Variants in MAP1B observed in about 807,000 individuals in gnomAD.
MAP1B encodes the protein microtubule-associated protein 1B.
Under a neutral mutation model 176.1 loss-of-function variants are expected in MAP1B, and 12 were observed. The observed-to-expected ratio is 0.07, with a 90% CI of 0.04 to 0.11. The LOEUF is 0.11. Among genes scored for constraint, MAP1B ranks in the 10% least tolerant of loss-of-function variants. The pLI is 1.00. For missense variants in MAP1B, 2,523 were observed against 2,990.5 expected, an observed-to-expected ratio of 0.84 and a Z score of 3.65; for synonymous variants, 1,044 against 1,135.0, an observed-to-expected ratio of 0.92 and a Z score of 1.61.
chr5:72,179,977 C>G (rs1262670239), intron 2 of MAP1B: 4 of 971,134 alleles, frequency 4.1e-6, no homozygotes, highest in Non-Finnish European at 3.7e-6. Context: ...AAGGAACTGC[C>G]GGTGGATGGT....
At chr5:72,162,765 G>A (rs1746350751) in intron 2 of MAP1B, among the ~76,000 whole-genome samples, 1 of 152,100 alleles carries the variant, frequency 6.6e-6, no homozygotes, top group Admixed American at 6.5e-5. Context: ...TCCACTTTGA[G>A]TCCTTTAAGT....
At chr5:72,179,405 C>A (rs1021268693) in intron 2 of MAP1B, among the ~76,000 whole-genome samples, 8 of 152,204 alleles carry the variant, frequency 5.3e-5, no homozygotes, top group African/African-American at 1.9e-4. Context: ...TTCCTGGGAA[C>A]TTCTTTTCTG....
At chr5:72,193,499 A>G (rs1489024481) in intron 4 of MAP1B, among the ~76,000 whole-genome samples, 2 of 152,152 alleles carry the variant, frequency 1.3e-5, no homozygotes, top group Non-Finnish European at 2.9e-5. Flanking sequence ...AAAGTGTTTC[A>G]TAACCACTGC....
At chr5:72,192,991 C>T (rs1036896555) in intron 4 of MAP1B, among the ~76,000 whole-genome samples, 2 of 152,236 alleles carry the variant, frequency 1.3e-5, no homozygotes, top group African/African-American at 4.8e-5. Flanking sequence ...TAGCTGCTCA[C>T]ACCCAACTTG....
rs368060624 is a variant in MAP1B, at chr5:72,199,937, G to A, written c.6582G>A (p.Thr2194=). The A allele has an allele frequency of 7.1e-5, 115 of 1,613,984 alleles. No individual in the cohort carries two copies. The highest frequency in any genetic ancestry group is 8.5e-5 in the Non-Finnish European group (100 of 1,180,044). ...CCATCCCCACAGACAAAACTGTCAC[G>A]TACAAACACATGGACCCACCTCCAG... The part of the protein sequence containing the change: ...SETIPTDKTV[T]YKHMDPPPAP... Residue 2194 remains threonine (T), a synonymous_variant, in exon 5 of 7, where the codon ACG becomes ACA. Coordinates refer to ENST00000296755, the MANE Select transcript of MAP1B (RefSeq NM_005909.5). This position sits in a 1 kb window ranked among gnomAD's most constrained non-coding sequence, Gnocchi z 4.2.
chr5:72,182,041 TTTTG>T (rs1746781603), intron 2 of MAP1B, among the ~76,000 whole-genome samples: 1 of 138,766 alleles, frequency 7.2e-6, no homozygotes, highest in South Asian at 2.6e-4. Flanking sequence ...TTTTTTTTTT[TTTTG>T]GAGACACGGG....
intron 2 of MAP1B, chr5:72,169,415 AAAGT>A (rs1162236967): frequency 6.6e-6 from 1 of 152,362 alleles, no homozygotes; most frequent in Non-Finnish European, 1.5e-5. Flanking sequence ...TTCTAAAGAC[AAAGT>A]AAGCAAATCA....
intron 1 of MAP1B, among the ~76,000 whole-genome samples, chr5:72,111,153 A>C (rs937899143): frequency 6.6e-6 from 1 of 152,080 alleles, no homozygotes; most frequent in African/African-American, 2.4e-5. Context: ...AGTGGTTCTC[A>C]TTTTCAGCAA....
At chr5:72,137,991 G>A (rs1455722685) in intron 2 of MAP1B, among the ~76,000 whole-genome samples, 5 of 152,218 alleles carry the variant, frequency 3.3e-5, no homozygotes, top group Middle Eastern at 3.4e-3. Flanking sequence ...TTACCAGCAG[G>A]TGGCATGACT....
intron 2 of MAP1B, among the ~76,000 whole-genome samples, chr5:72,165,636 A>G (rs140910375): frequency 2.0e-5 from 3 of 152,300 alleles, no homozygotes; most frequent in Non-Finnish European, 2.9e-5. Context: ...AAATAAGAGG[A>G]TGGGATGTAA....
rs1022564983 is a variant in MAP1B at position 72,108,673 on chromosome 5, C to T, written c.184+958C>T. Among the ~76,000 whole-genome samples, 4 of 152,108 alleles carry T rather than the reference C, an allele frequency of 2.6e-5. No homozygotes were observed. In the East Asian group the frequency reaches 5.8e-4, roughly 22 times the overall value. ...GCTGCCGCAGTGCCTCCGGACCGCC[C>T]GCCACACCTGCCCCCCCACACTGCG... On this transcript the variant is annotated intron_variant, in intron 1 of 6. Coordinates refer to ENST00000296755, the MANE Select transcript of MAP1B (RefSeq NM_005909.5).
At chr5:72,160,012 CTT>C (rs1746298986) in intron 2 of MAP1B, among the ~76,000 whole-genome samples, 1 of 152,138 alleles carries the variant, frequency 6.6e-6, no homozygotes, top group Non-Finnish European at 1.5e-5. Context: ...TGTGATGACT[CTT>C]TTAGTTTGTA....
At chr5:72,174,019 A>C (rs190114461) in intron 2 of MAP1B, among the ~76,000 whole-genome samples, 1 of 152,212 alleles carries the variant, frequency 6.6e-6, no homozygotes, top group Non-Finnish European at 1.5e-5. Context: ...GGTCCCAGCT[A>C]TTCAGGAGGC....
At chr5:72,163,987 A>G (rs3112405) in intron 2 of MAP1B, among the ~76,000 whole-genome samples, 120,056 of 138,282 alleles carry the variant, frequency 0.87, 52,100 homozygotes, top group South Asian at 0.96. Flanking sequence ...AGACTGGAGT[A>G]CAGTGGCACA....
chr5:72,168,512 C>T (rs1235790448), intron 2 of MAP1B, among the ~76,000 whole-genome samples: 1 of 151,974 alleles, frequency 6.6e-6, no homozygotes, highest in African/African-American at 2.4e-5. Flanking sequence ...TAAAAAATAC[C>T]CAATGGAGAA....
At chr5:72,119,166 G>A (rs994767127) in intron 2 of MAP1B, among the ~76,000 whole-genome samples, 5 of 152,182 alleles carry the variant, frequency 3.3e-5, no homozygotes, top group Admixed American at 6.5e-5. Context: ...CAGTTCCCCA[G>A]AATGTTAGTT....
In MAP1B at chr5:72,194,892, C is replaced by A; in HGVS notation, c.1537C>A (p.Gln513Lys). 6.2e-7 allele frequency: 1 copy of A among 1,614,156 alleles called. No homozygotes were observed. The highest frequency in any genetic ancestry group is 1.3e-5 in the African/African-American group (1 of 75,050). The change falls in exon 5 of 7, where the codon CAG becomes AAG. Residue 513 changes from glutamine to lysine, a missense_variant. By Grantham distance (53) the Gln-to-Lys change is moderately conservative (BLOSUM62 1). This residue lies in a region of MAP1B where 1,925 missense variants were observed against 2,126.0 expected (regional missense o/e 0.91). Transcript: ENST00000296755. This position sits in a 1 kb window ranked among gnomAD's most constrained non-coding sequence, Gnocchi z 7.2. ...GCTCAAACATCTAGACTTTCTGAAG[C>A]AGCCACTGGCCACCCAAAAGGATCT... ...EKLKHLDFLKQPLATQKDLTG... is the reference protein window; with the variant it reads ...EKLKHLDFLKKPLATQKDLTG...
chr5:72,109,992 A>G (rs1175247461), intron 1 of MAP1B, among the ~76,000 whole-genome samples: 2 of 152,240 alleles, frequency 1.3e-5, no homozygotes, highest in Non-Finnish European at 2.9e-5. Context: ...ACTGCTATGA[A>G]GAAGGGCTCC....
In MAP1B at chr5:72,207,399, T is replaced by C. The variant is rs1747475937; in HGVS notation, c.*2160T>C. 1 of 152,180 alleles carries C rather than the reference T, an allele frequency of 6.6e-6. No individual in the cohort carries two copies. The highest frequency in any genetic ancestry group is 2.4e-5 in the African/African-American group (1 of 41,438). 9.4% of individuals were successfully genotyped at this position (152,180 alleles called of 1,614,324 possible). A position where few individuals can be genotyped will look rare whatever the true frequency, so the allele number is the denominator to read the frequency against. ...TGCACTGCTAACTATGATGAGGGTT[T>C]AAAAAAATGCTTCTTCAGGGTCCTT... On this transcript the variant is annotated 3_prime_UTR_variant, in exon 7 of 7. Coordinates refer to ENST00000296755, the MANE Select transcript of MAP1B (RefSeq NM_005909.5).
Sources: gnomAD v4.1 joint callset for allele counts (sites outside exome capture counted in the v4.1 genomes callset) on GRCh38, gnomAD v4.1.1 for gene constraint, gnomAD v4.1.1 regional missense constraint, Gnocchi (gnomAD v3.1) non-coding constraint, MANE v1.5 for transcripts, NCBI Gene and HGNC (gene_info 2026-07-23, HGNC 2026-07-21) for gene names.